The following ADAMTS18 variants were observed in gnomAD, a reference collection of about 807,000 sequenced individuals.
ADAMTS18 encodes A disintegrin and metalloproteinase with thrombospondin motifs 18.
Under a neutral mutation model 165.9 loss-of-function variants are expected in ADAMTS18, and 157 were observed. The observed-to-expected ratio is 0.95, with a 90% CI of 0.83 to 1.08. ADAMTS18 has a LOEUF of 1.08. Ranked by LOEUF, ADAMTS18 falls within the 50% of genes least tolerant of loss-of-function variation. The probability of loss-of-function intolerance (pLI) is 0.00; values close to 1 mark genes in which losing one functional copy is unlikely to be tolerated. For missense variants in ADAMTS18, 2,040 were observed against 1,534.0 expected (o/e 1.33, Z -5.51); for synonymous variants, 782 against 578.2 (o/e 1.35, Z -5.06).
rs1430854469 is a variant in ADAMTS18 at position 77,434,799 on chromosome 16, C to A, written c.-104G>T. 1.1e-5 allele frequency: 11 copies of A among 1,026,408 alleles called. No homozygotes were observed. The highest frequency in any genetic ancestry group is 1.4e-5 in the Non-Finnish European group (11 of 783,366). 63.6% of individuals were successfully genotyped at this position (1,026,408 alleles called of 1,614,324 possible). On this transcript the variant is annotated 5_prime_UTR_variant, in exon 1 of 23. Transcript: ENST00000282849. Reference sequence around the variant, plus strand: ...GCCCCGGAGCTCGGCGCCCCAGGTGCGGCTCCAGGTGAGAGCCGCCGCCGT... The same window carrying A: ...GCCCCGGAGCTCGGCGCCCCAGGTGAGGCTCCAGGTGAGAGCCGCCGCCGT...
rs387906972 is a variant in ADAMTS18 at position 77,367,683 on chromosome 16, G to T, written c.536C>A (p.Ser179Ter). The T allele has an allele frequency of 6.2e-7, 1 of 1,614,142 alleles. No homozygotes were observed. The highest frequency in any genetic ancestry group is 8.5e-7 in the Non-Finnish European group (1 of 1,180,022). ...CTGGGCCAGAAGCTGAGGTAATGGC[G>T]AGATGAGGAATTCATTTTTTCGTGT... ...IRTRKNEFLI[S>*]PLPQLLAQEH... Residue 179 changes from serine to a stop codon, truncating the protein, a stop_gained, in exon 4 of 23, where the codon TCG becomes TAG. Coordinates refer to ENST00000282849, the MANE Select transcript of ADAMTS18 (RefSeq NM_199355.4). LOFTEE classifies it high-confidence loss of function.
chr16:77,344,155 G>GTATA (rs150411045), intron 10 of ADAMTS18, among the ~76,000 whole-genome samples: 3,961 of 140,148 alleles, frequency 0.028, 81 homozygotes, highest in South Asian at 0.051. Flanking sequence ...ATGTGTGTGT[G>GTATA]TATATATATA....
intron 3 of ADAMTS18, among the ~76,000 whole-genome samples, chr16:77,380,511 G>C (rs1337176944): frequency 6.6e-6 from 1 of 152,198 alleles, no homozygotes; most frequent in Non-Finnish European, 1.5e-5. Context: ...ATTCTCAAAA[G>C]AGTATGTACC....
At chr16:77,374,170 G>C (rs1052826137) in intron 3 of ADAMTS18, among the ~76,000 whole-genome samples, 11 of 148,480 alleles carry the variant, frequency 7.4e-5, no homozygotes, top group African/African-American at 2.5e-4. Context: ...AGCGCACTGA[G>C]ATTGCACCAC....
chr16:77,427,233 A>T (rs2057684835), intron 3 of ADAMTS18, among the ~76,000 whole-genome samples: 1 of 152,214 alleles, frequency 6.6e-6, no homozygotes, highest in African/African-American at 2.4e-5. Context: ...AGTTGTTCAC[A>T]CTCTGATAAT....
chr16:77,330,390 G>A (rs547303839), intron 12 of ADAMTS18, among the ~76,000 whole-genome samples: 1 of 152,166 alleles, frequency 6.6e-6, no homozygotes, highest in Non-Finnish European at 1.5e-5. Context: ...AATGAAAAAT[G>A]TCAAAGGATT....
At chr16:77,286,151 T>C (rs1230086593) in intron 22 of ADAMTS18, among the ~76,000 whole-genome samples, 1 of 152,202 alleles carries the variant, frequency 6.6e-6, no homozygotes, top group Admixed American at 6.5e-5. Flanking sequence ...GATTAGTATA[T>C]TCCTGCCTCG....
At chr16:77,366,478 A>G (rs2056795942) in intron 4 of ADAMTS18, among the ~76,000 whole-genome samples, 1 of 152,288 alleles carries the variant, frequency 6.6e-6, no homozygotes. Context: ...GAATTGCTTG[A>G]ACCTGGTGGG....
At chr16:77,300,095 A>G in intron 17 of ADAMTS18, 168 bp downstream of exon 17, 1 of 756,938 alleles carries the variant, frequency 1.3e-6, no homozygotes, top group Non-Finnish European at 2.1e-6. Context: ...CTTACCACAT[A>G]GGAAAACCCT....
chr16:77,326,563 T>C (rs1320679080), intron 12 of ADAMTS18, among the ~76,000 whole-genome samples: 1 of 152,070 alleles, frequency 6.6e-6, no homozygotes, highest in Non-Finnish European at 1.5e-5. Flanking sequence ...TTGTACTTTT[T>C]GTTGAGATGT....
At chr16:77,332,578 G>A (rs577607853) in intron 12 of ADAMTS18, among the ~76,000 whole-genome samples, 1 of 152,328 alleles carries the variant, frequency 6.6e-6, no homozygotes, top group South Asian at 2.1e-4. Flanking sequence ...AGAAGTGGCA[G>A]ACACAGGGTT....
chr16:77,341,606 A>G (rs1346618314), intron 11 of ADAMTS18, 98 bp downstream of exon 11: 1 of 961,754 alleles, frequency 1.0e-6, no homozygotes, highest in Non-Finnish European at 1.6e-6. Flanking sequence ...GAGAATATAA[A>G]CTACCAAAGC....
intron 11 of ADAMTS18, among the ~76,000 whole-genome samples, chr16:77,341,181 G>C (rs2056391879): frequency 6.6e-6 from 1 of 152,172 alleles, no homozygotes; most frequent in South Asian, 2.1e-4. Context: ...CTGGGTAGGA[G>C]ATGCTCACCA....
In ADAMTS18 at chr16:77,353,839, T is replaced by C. The variant is rs139220565; in HGVS notation, c.1508A>G (p.Gln503Arg). 1.1e-4 allele frequency: 184 copies of C among 1,614,174 alleles called. No individual in the cohort carries two copies. Among genetic ancestry groups the C allele is most frequent in the Non-Finnish European group, 1.5e-4 (180 of 1,180,030 alleles). ...CLVDEPKQAG[Q>R]YKYPDKLPGQ... ...TGGTAGTTTGTCCGGATATTTATAC[T>C]GTCCTGCTTGCTTGGGCTCATCCAC... The change falls in exon 10 of 23, where the codon CAG becomes CGG. Residue 503 changes from glutamine to arginine, a missense_variant. Gln to Arg is a conservative substitution (Grantham distance 43). Coordinates refer to ENST00000282849, the MANE Select transcript of ADAMTS18 (RefSeq NM_199355.4).
intron 8 of ADAMTS18, among the ~76,000 whole-genome samples, chr16:77,356,601 T>C (rs995588330): frequency 1.3e-5 from 2 of 151,298 alleles, no homozygotes; most frequent in African/African-American, 4.8e-5. Flanking sequence ...CAAACTCTAA[T>C]TGTAATTAAA....
chr16:77,364,818 G>C (rs986377676), intron 4 of ADAMTS18, among the ~76,000 whole-genome samples: 6 of 150,800 alleles, frequency 4.0e-5, no homozygotes. Flanking sequence ...AGAGAAAAGA[G>C]CTCTAGGCCA....
At chr16:77,311,579 T>G (rs998412220) in intron 16 of ADAMTS18, among the ~76,000 whole-genome samples, 2 of 152,144 alleles carry the variant, frequency 1.3e-5, no homozygotes, top group Non-Finnish European at 2.9e-5. Flanking sequence ...AAGCATGTGC[T>G]AAAAACTGAC....
chr16:77,394,487 A>T (rs1276955516), intron 3 of ADAMTS18, among the ~76,000 whole-genome samples: 7 of 152,156 alleles, frequency 4.6e-5, no homozygotes. Flanking sequence ...GTTAATGGAG[A>T]AGAAAGTTTT....
rs1597268537 is a variant in ADAMTS18, at chr16:77,431,580, G to A, written c.210C>T (p.Asp70=). 1 of 1,614,124 alleles carries A rather than the reference G, an allele frequency of 6.2e-7. No homozygotes were observed. The highest frequency in any genetic ancestry group is 1.7e-5 in the Admixed American group (1 of 59,996). The change falls in exon 3 of 23, where the codon GAC becomes GAT. Residue 70 remains aspartate (D), a synonymous_variant. Coordinates refer to ENST00000282849, the MANE Select transcript of ADAMTS18 (RefSeq NM_199355.4). The part of the protein sequence containing the change: ...DYVFVTPVEV[D]SAGSYISHDI... ...CGTGTGAAATATATGACCCGGCTGA[G>A]TCTACTTCTACTGGCGTGACAAAGA... is the stretch of plus-strand genomic sequence containing the variant.
Sources: gnomAD v4.1 joint callset for allele counts (sites outside exome capture counted in the v4.1 genomes callset) on GRCh38, gnomAD v4.1.1 for gene constraint, MANE v1.5 for transcripts, NCBI Gene and HGNC (gene_info 2026-07-23, HGNC 2026-07-21) for gene names.